The following TMTC2 variants were observed in gnomAD, a reference collection of about 807,000 sequenced individuals.
The protein encoded by TMTC2 is transmembrane O-mannosyltransferase targeting cadherins 2.
A neutral mutation model predicts 82.4 loss-of-function variants in TMTC2; 43 were observed. The observed-to-expected ratio is 0.52, with a 90% CI of 0.41 to 0.67. The LOEUF (loss-of-function observed/expected upper bound fraction) is 0.67, where lower values mean the gene tolerates loss of function less well. TMTC2 is among the 30% of genes least tolerant of loss of function. The probability of loss-of-function intolerance (pLI) is 0.00; values close to 1 mark genes in which losing one functional copy is unlikely to be tolerated. For missense variants in TMTC2, 919 were observed against 1,012.4 expected, an observed-to-expected ratio of 0.91 and a Z score of 1.25; for synonymous variants, 408 against 381.9, an observed-to-expected ratio of 1.07 and a Z score of -0.80.
intron 6 of TMTC2, 45 bp from the exon 7 acceptor site, chr12:82,966,874 G>T: frequency 2.2e-6 from 3 of 1,373,458 alleles, no homozygotes; most frequent in Non-Finnish European, 3.1e-6. Context: ...GACGATCCCT[G>T]CACTTTATTG....
intron 3 of TMTC2, among the ~76,000 whole-genome samples, chr12:82,898,611 C>G (rs1873800379): frequency 6.6e-6 from 1 of 152,152 alleles, no homozygotes. Context: ...TCTTTTATTC[C>G]CTTGCCATCT....
chr12:83,109,161 T>C (rs1884514391), intron 11 of TMTC2, among the ~76,000 whole-genome samples: 1 of 152,176 alleles, frequency 6.6e-6, no homozygotes, highest in Non-Finnish European at 1.5e-5. Context: ...AGAGGTTTAA[T>C]TGGCTCACAG....
chr12:82,909,297 TCA>T (rs1413792661), intron 3 of TMTC2, among the ~76,000 whole-genome samples: 8 of 152,148 alleles, frequency 5.3e-5, no homozygotes, highest in African/African-American at 1.9e-4. Context: ...AATACCATCT[TCA>T]CAGCTAGTTT....
At chr12:83,061,487 A>G (rs1211243952) in intron 10 of TMTC2, among the ~76,000 whole-genome samples, 1 of 151,758 alleles carries the variant, frequency 6.6e-6, no homozygotes, top group Non-Finnish European at 1.5e-5. Context: ...TATATTACCT[A>G]GTTTTGCATG....
At chr12:82,758,957 G>GGT in intron 1 of TMTC2, 1 of 152,172 alleles carries the variant, frequency 6.6e-6, no homozygotes, top group East Asian at 1.9e-4. Flanking sequence ...GTCAAGAACT[G>GGT]GTGTCTGTAT....
intron 11 of TMTC2, among the ~76,000 whole-genome samples, chr12:83,069,264 C>A (rs955163277): frequency 1.3e-5 from 2 of 152,104 alleles, no homozygotes; most frequent in Non-Finnish European, 2.9e-5. Context: ...TCTTTAAGGA[C>A]TCTCCACACC....
intron 10 of TMTC2, among the ~76,000 whole-genome samples, chr12:83,059,549 T>C (rs1042493042): frequency 1.3e-5 from 2 of 151,806 alleles, no homozygotes; most frequent in African/African-American, 4.8e-5. Flanking sequence ...ATGACATATA[T>C]AGTAAATCCT....
chr12:82,689,800 A>G (rs369184765), intron 1 of TMTC2, among the ~76,000 whole-genome samples: 19 of 152,194 alleles, frequency 1.2e-4, no homozygotes, highest in African/African-American at 4.6e-4. Context: ...ACATAGGTGA[A>G]TATAGTATGA....
intron 1 of TMTC2, among the ~76,000 whole-genome samples, chr12:82,825,688 A>C (rs1402251390): frequency 6.6e-6 from 1 of 152,238 alleles, no homozygotes; most frequent in Non-Finnish European, 1.5e-5. Flanking sequence ...TATGCCATAT[A>C]AACATAATTA....
intron 1 of TMTC2, among the ~76,000 whole-genome samples, chr12:82,699,435 G>C: frequency 6.6e-6 from 1 of 152,094 alleles, no homozygotes; most frequent in Admixed American, 6.6e-5. Flanking sequence ...ATAGTCTTTG[G>C]TACTTTGGTT....
chr12:82,949,786 C>A (rs1565824054), intron 4 of TMTC2, among the ~76,000 whole-genome samples: 1 of 152,068 alleles, frequency 6.6e-6, no homozygotes, highest in Non-Finnish European at 1.5e-5. Flanking sequence ...CCTGGCTATG[C>A]CATTTTGGGG....
chr12:82,982,839 C>T (rs554327444), intron 7 of TMTC2, among the ~76,000 whole-genome samples: 2 of 151,972 alleles, frequency 1.3e-5, no homozygotes, highest in East Asian at 3.9e-4. Flanking sequence ...TCAGGTAGCC[C>T]TGAGTTTAAA....
intron 8 of TMTC2, among the ~76,000 whole-genome samples, chr12:83,003,142 T>C (rs1880002832): frequency 6.6e-6 from 1 of 152,194 alleles, no homozygotes; most frequent in Admixed American, 6.5e-5. Flanking sequence ...AGTCTTTTTG[T>C]TGAATTGAAA....
chr12:82,788,651 G>T (rs1878302023), intron 1 of TMTC2, among the ~76,000 whole-genome samples: 1 of 152,076 alleles, frequency 6.6e-6, no homozygotes, highest in South Asian at 2.1e-4. Context: ...AGCCTTCCCA[G>T]AACTTTTTCA....
intron 9 of TMTC2, among the ~76,000 whole-genome samples, chr12:83,033,582 C>T (rs1881530022): frequency 6.6e-6 from 1 of 152,004 alleles, no homozygotes; most frequent in Non-Finnish European, 1.5e-5. Flanking sequence ...GAAACCCCGT[C>T]TCTACTAAAA....
chr12:83,007,882 T>G (rs1036552404), intron 8 of TMTC2, among the ~76,000 whole-genome samples: 2 of 152,198 alleles, frequency 1.3e-5, no homozygotes, highest in African/African-American at 4.8e-5. Flanking sequence ...TAAAGGATAG[T>G]TTCACTGGAT....
intron 1 of TMTC2, among the ~76,000 whole-genome samples, chr12:82,696,215 A>C (rs1872780852): frequency 6.6e-6 from 1 of 152,234 alleles, no homozygotes. Context: ...TTTTATTTGC[A>C]GAAATAGGCC....
intron 11 of TMTC2, among the ~76,000 whole-genome samples, chr12:83,066,850 C>T (rs552373132): frequency 6.6e-6 from 1 of 151,800 alleles, no homozygotes; most frequent in Non-Finnish European, 1.5e-5. Flanking sequence ...ATTCTAAGAA[C>T]CAAATGTTTA....
chr12:83,123,176 G>A (rs1885008133), intron 11 of TMTC2, among the ~76,000 whole-genome samples: 1 of 152,180 alleles, frequency 6.6e-6, no homozygotes. Context: ...AACACCCACT[G>A]GGACGAGGCA....
Sources: allele counts gnomAD v4.1 joint callset (sites outside exome capture counted in the v4.1 genomes callset), GRCh38; gene constraint gnomAD v4.1.1; transcripts MANE v1.5; gene names NCBI Gene and HGNC (gene_info 2026-07-23, HGNC 2026-07-21).